IP6K1: variants seen among roughly 807,000 people sequenced by gnomAD.
IP6K1 encodes the protein inositol hexakisphosphate kinase 1, also known as ATP:1D-myo-inositol-hexakisphosphate phosphotransferase.
IP6K1 carries 13 observed loss-of-function variants against 38.3 expected under a neutral mutation model. The observed-to-expected ratio is 0.34, with a 90% CI of 0.22 to 0.54. The LOEUF (loss-of-function observed/expected upper bound fraction) is 0.54, where lower values mean the gene tolerates loss of function less well. Ranked by LOEUF, IP6K1 falls within the 20% of genes least tolerant of loss-of-function variation. IP6K1 has a pLI of 0.92. For missense variants in IP6K1, 397 were observed against 599.8 expected, an observed-to-expected ratio of 0.66 and a Z score of 3.53; for synonymous variants, 212 against 229.9, an observed-to-expected ratio of 0.92 and a Z score of 0.70.
intron 1 of IP6K1, among the ~76,000 whole-genome samples, chr3:49,770,940 C>T (rs1371374007): frequency 6.6e-6 from 1 of 151,512 alleles, no homozygotes; most frequent in Non-Finnish European, 1.5e-5. Context: ...CTGAGACCTC[C>T]GTTGCTACAA....
chr3:49,729,415 T>C (rs79904645), intron 4 of IP6K1, among the ~76,000 whole-genome samples: 4 of 137,638 alleles, frequency 2.9e-5, no homozygotes, highest in African/African-American at 1.1e-4. Flanking sequence ...TTTTTTATTT[T>C]ATTTTTTTTT....
chr3:49,726,996 T>A lies in IP6K1; in HGVS notation c.*126A>T, dbSNP rs1384506169. 3.9e-5 allele frequency: 39 copies of A among 1,010,088 alleles called. No individual in the cohort carries two copies. Among genetic ancestry groups the A allele is most frequent in the Admixed American group, 7.2e-5 (3 of 41,824 alleles). 62.6% of individuals were successfully genotyped at this position (1,010,088 alleles called of 1,614,324 possible). A position where few individuals can be genotyped will look rare whatever the true frequency, so the allele number is the denominator to read the frequency against. The stretch of plus-strand genomic sequence containing the variant: ...TCCAGGCTACAGCTAAAAACATTTC[T>A]TTTAGTTTACACCAAAGAGAAATAT... On this transcript the variant is annotated 3_prime_UTR_variant, in exon 6 of 6. Coordinates refer to ENST00000321599, the MANE Select transcript of IP6K1 (RefSeq NM_153273.4).
In IP6K1 at chr3:49,777,037, C is replaced by T. The variant is rs202237933; in HGVS notation, c.-129+9317G>A. Among the ~76,000 whole-genome samples, 14 of 152,066 alleles carry T rather than the reference C, an allele frequency of 9.2e-5. No individual in the cohort carries two copies. In the East Asian group the frequency reaches 2.1e-3, roughly 23 times the overall value. ...ATCACTTGAGGTCAGGAGTTCGAGA[C>T]AAGCCTGGTCAACATGGCAAAACCC... On this transcript the variant is annotated intron_variant, in intron 1 of 5. Coordinates refer to ENST00000321599, the MANE Select transcript of IP6K1 (RefSeq NM_153273.4).
chr3:49,763,299 G>A (rs1417893059), intron 1 of IP6K1, among the ~76,000 whole-genome samples: 1 of 150,432 alleles, frequency 6.6e-6, no homozygotes, highest in Non-Finnish European at 1.5e-5. Flanking sequence ...TAGAGACGGG[G>A]TTTCGCCGTG....
chr3:49,755,000 C>T (rs2108243845), intron 1 of IP6K1, among the ~76,000 whole-genome samples: 1 of 150,446 alleles, frequency 6.6e-6, no homozygotes, highest in Non-Finnish European at 1.5e-5. Flanking sequence ...CAGTTCACTA[C>T]ATCACTACAG....
intron 3 of IP6K1, among the ~76,000 whole-genome samples, chr3:49,733,858 T>C (rs1457559988): frequency 6.6e-6 from 1 of 152,186 alleles, no homozygotes; most frequent in Non-Finnish European, 1.5e-5. Context: ...GGCCAGGCAC[T>C]GTGGGTCACA....
chr3:49,752,813 G>A (rs1351648297), intron 1 of IP6K1, among the ~76,000 whole-genome samples: 1 of 150,344 alleles, frequency 6.7e-6, no homozygotes, highest in Non-Finnish European at 1.5e-5. Context: ...GAGTGCAGTG[G>A]TGCGATCTTG....
At chr3:49,783,524 A>AAC (rs2081086314) in intron 1 of IP6K1, among the ~76,000 whole-genome samples, 1 of 151,986 alleles carries the variant, frequency 6.6e-6, no homozygotes, top group Non-Finnish European at 1.5e-5. Flanking sequence ...CATCCTGGCT[A>AAC]ACACGGTGAA....
Position 49,724,978 on chromosome 3 carries a change from C to T in IP6K1, c.*2144G>A, listed in dbSNP as rs1013081275. The stretch of plus-strand genomic sequence containing the variant: ...AAGGCTGGGCCTGGCAGGGACAGGG[C>T]TCTCTGGCATGGGGCAGGGAGAAAG... On this transcript the variant is annotated 3_prime_UTR_variant, in exon 6 of 6. Transcript: ENST00000321599. The T allele has an allele frequency of 6.5e-6, 1 of 153,008 alleles. No individual in the cohort carries two copies. The highest frequency in any genetic ancestry group is 1.9e-4 in the East Asian group (1 of 5,194). 9.5% of individuals were successfully genotyped at this position (153,008 alleles called of 1,614,324 possible). A position where few individuals can be genotyped will look rare whatever the true frequency, so the allele number is the denominator to read the frequency against.
Position 49,768,503 on chromosome 3 carries a change from C to T in IP6K1, c.-129+17851G>A, listed in dbSNP as rs1335206594. On this transcript the variant is annotated intron_variant, in intron 1 of 5. Transcript: ENST00000321599. ...AATAAAACAGGGCTGGGCACAGTTG[C>T]TTAAGCCTGTAATTCCAGCATTTTG... Among the ~76,000 whole-genome samples, 75 of 152,172 alleles carry T rather than the reference C, an allele frequency of 4.9e-4. 1 individual carries two copies. Among genetic ancestry groups the T allele is most frequent in the Admixed American group, 4.9e-3 (75 of 15,284 alleles).
intron 1 of IP6K1, among the ~76,000 whole-genome samples, chr3:49,782,162 G>C (rs1297983940): frequency 7.3e-6 from 1 of 137,484 alleles, no homozygotes; most frequent in Non-Finnish European, 1.6e-5. Flanking sequence ...ACAGTGGATG[G>C]AAAGTCTGCT....
intron 1 of IP6K1, among the ~76,000 whole-genome samples, chr3:49,752,878 C>A (rs2080790571): frequency 6.6e-6 from 1 of 151,760 alleles, no homozygotes; most frequent in Admixed American, 6.6e-5. Flanking sequence ...CTCAGCCTCC[C>A]AAGTAGGTGG....
chr3:49,760,279 G>A (rs578125639), intron 1 of IP6K1, among the ~76,000 whole-genome samples: 48 of 152,214 alleles, frequency 3.2e-4, no homozygotes, highest in African/African-American at 1.1e-3. Flanking sequence ...GAGAGATGGG[G>A]ACTAACCTTC....
intron 1 of IP6K1, among the ~76,000 whole-genome samples, chr3:49,778,429 T>C (rs1411770343): frequency 6.7e-6 from 1 of 148,642 alleles, no homozygotes; most frequent in Non-Finnish European, 1.5e-5. Context: ...GGTCAGGAGG[T>C]CAAGACTAGC....
intron 1 of IP6K1, among the ~76,000 whole-genome samples, chr3:49,777,127 T>A (rs1225032676): frequency 1.3e-5 from 2 of 152,042 alleles, no homozygotes. Flanking sequence ...TCCCTGCTAC[T>A]CTGGAGGCTG....
Position 49,724,838 on chromosome 3 carries a change from C to T in IP6K1, c.*2284G>A, listed in dbSNP as rs1218321300. The T allele has an allele frequency of 6.5e-6, 1 of 152,742 alleles. No individual in the cohort carries two copies. The highest frequency in any genetic ancestry group is 2.4e-5 in the African/African-American group (1 of 41,456). 9.5% of individuals were successfully genotyped at this position (152,742 alleles called of 1,614,324 possible). A position where few individuals can be genotyped will look rare whatever the true frequency, so the allele number is the denominator to read the frequency against. The stretch of plus-strand genomic sequence containing the variant: ...CCTCTTTTAAGCACCACCCGTCCCA[C>T]CCCACCCTCAGGGGCTGGTGTCAGC... On this transcript the variant is annotated 3_prime_UTR_variant, in exon 6 of 6. Coordinates refer to ENST00000321599, the MANE Select transcript of IP6K1 (RefSeq NM_153273.4).
chr3:49,781,953 C>T lies in IP6K1; in HGVS notation c.-129+4401G>A, dbSNP rs1299301577. On this transcript the variant is annotated intron_variant, in intron 1 of 5. Transcript: ENST00000321599. ...AAATTAAAATTAAAAATTAGCTGAG[C>T]ACAGTTGTGCCCACCTGTAGTTCCA... is the stretch of plus-strand genomic sequence containing the variant. Among the ~76,000 whole-genome samples, 3 of 151,874 alleles carry T rather than the reference C, an allele frequency of 2.0e-5. No homozygotes were observed. In the South Asian group the frequency reaches 6.2e-4, roughly 32 times the overall value.
At chr3:49,740,228 C>CT (rs71080547) in intron 2 of IP6K1, among the ~76,000 whole-genome samples, 226 of 76,462 alleles carry the variant, frequency 3.0e-3, no homozygotes, top group Non-Finnish European at 3.6e-3. Flanking sequence ...ATTTGCAATT[C>CT]TTTTTTTTTT....
At chr3:49,778,984 A>G (rs1455834799) in intron 1 of IP6K1, among the ~76,000 whole-genome samples, 3 of 152,206 alleles carry the variant, frequency 2.0e-5, no homozygotes, top group Non-Finnish European at 4.4e-5. Context: ...CGGTTCACCC[A>G]TTAAGGTGTA....
Sources: gnomAD v4.1 joint callset for allele counts (sites outside exome capture counted in the v4.1 genomes callset) on GRCh38, gnomAD v4.1.1 for gene constraint, MANE v1.5 for transcripts, NCBI Gene and HGNC (gene_info 2026-07-23, HGNC 2026-07-21) for gene names.